TENM4: variants seen among roughly 807,000 people sequenced by gnomAD.
The protein encoded by TENM4 is teneurin transmembrane protein 4, also known as teneurin-4.
TENM4 carries 82 observed loss-of-function variants against 243.3 expected under a neutral mutation model. The observed-to-expected ratio is 0.34, with a 90% CI of 0.28 to 0.40. The LOEUF is 0.40. TENM4 is among the 10% of genes least tolerant of loss of function. TENM4 has a pLI of 1.00. For missense variants in TENM4, 3,138 were observed against 3,673.3 expected (o/e 0.85, Z 3.77); for synonymous variants, 1,412 against 1,456.3 (o/e 0.97, Z 0.69).
At chr11:79,025,731 A>G (rs1859063016) in intron 6 of TENM4, among the ~76,000 whole-genome samples, 1 of 152,184 alleles carries the variant, frequency 6.6e-6, no homozygotes. Flanking sequence ...CTGAATCAAC[A>G]TTCCTGAAGC....
intron 26 of TENM4, among the ~76,000 whole-genome samples, chr11:78,711,261 GAAC>G (rs939350524): frequency 6.6e-6 from 1 of 152,194 alleles, no homozygotes; most frequent in Non-Finnish European, 1.5e-5. Context: ...TGATATAATA[GAAC>G]AACAATAATA....
chr11:78,701,410 A>G (rs1363520207), intron 28 of TENM4, 116 bp downstream of exon 28: 27 of 1,292,666 alleles, frequency 2.1e-5, no homozygotes, highest in Non-Finnish European at 2.6e-5. Context: ...ATGTATTATA[A>G]GTAATAGTTT....
chr11:79,085,216 C>CAA (rs201169498), intron 4 of TENM4, among the ~76,000 whole-genome samples: 7 of 143,960 alleles, frequency 4.9e-5, no homozygotes, highest in African/African-American at 1.8e-4. Context: ...ACTAAAAATA[C>CAA]AAAAAAAAAA....
At chr11:79,298,636 T>C (rs556781081) in intron 1 of TENM4, among the ~76,000 whole-genome samples, 59 of 151,560 alleles carry the variant, frequency 3.9e-4, no homozygotes, top group Non-Finnish European at 4.9e-4. Context: ...GAAACTCCTA[T>C]ATTTGAGTCC....
At chr11:78,739,768 CTG>C (rs1173227508) in intron 19 of TENM4, among the ~76,000 whole-genome samples, 3 of 152,202 alleles carry the variant, frequency 2.0e-5, no homozygotes, top group Non-Finnish European at 4.4e-5. Flanking sequence ...GAAGGCAACT[CTG>C]TGGAGTTTCC....
At chr11:79,057,920 C>CA (rs1460827362) in intron 6 of TENM4, among the ~76,000 whole-genome samples, 12 of 152,280 alleles carry the variant, frequency 7.9e-5, no homozygotes, top group African/African-American at 2.6e-4. Context: ...CAGTCCTTTC[C>CA]AGCCCTCAAA....
intron 3 of TENM4, among the ~76,000 whole-genome samples, chr11:79,181,597 A>G (rs1438083186): frequency 6.6e-6 from 1 of 152,138 alleles, no homozygotes; most frequent in Non-Finnish European, 1.5e-5. Flanking sequence ...TAGCTAAAAC[A>G]ATAAGACAAG....
intron 6 of TENM4, among the ~76,000 whole-genome samples, chr11:78,922,365 T>G (rs1856466213): frequency 6.6e-6 from 1 of 152,234 alleles, no homozygotes; most frequent in African/African-American, 2.4e-5. Context: ...ATTCTCTTGT[T>G]AACTCCTCAT....
At chr11:79,130,886 CT>C (rs2137160668) in intron 4 of TENM4, among the ~76,000 whole-genome samples, 1 of 152,088 alleles carries the variant, frequency 6.6e-6, no homozygotes, top group South Asian at 2.1e-4. Context: ...GCAAAATGCT[CT>C]GGAAAGTCTC....
intron 6 of TENM4, among the ~76,000 whole-genome samples, chr11:79,018,738 A>ACTCC (rs985442599): frequency 6.6e-6 from 1 of 152,178 alleles, no homozygotes; most frequent in African/African-American, 2.4e-5. Flanking sequence ...GCAGGGAGGG[A>ACTCC]GAAATGGAAG....
At chr11:78,752,917 C>T (rs530767150) in intron 19 of TENM4, among the ~76,000 whole-genome samples, 6 of 152,264 alleles carry the variant, frequency 3.9e-5, no homozygotes, top group East Asian at 1.9e-4. Flanking sequence ...TCATCATCAC[C>T]GCCATGTAAT....
intron 21 of TENM4, among the ~76,000 whole-genome samples, chr11:78,731,369 T>C (rs1855663868): frequency 6.6e-6 from 1 of 152,230 alleles, no homozygotes; most frequent in Admixed American, 6.5e-5. Flanking sequence ...TCAAAATGAT[T>C]GTATGTCCTT....
intron 3 of TENM4, among the ~76,000 whole-genome samples, chr11:79,178,916 T>G (rs927962560): frequency 6.6e-6 from 1 of 152,248 alleles, no homozygotes; most frequent in Non-Finnish European, 1.5e-5. Context: ...CATATGTGTA[T>G]GTATCTGGCT....
At chr11:79,152,534 C>T (rs904697217) in intron 3 of TENM4, among the ~76,000 whole-genome samples, 2 of 152,116 alleles carry the variant, frequency 1.3e-5, no homozygotes, top group East Asian at 1.9e-4. Flanking sequence ...TAATTTACAG[C>T]GTCTAGAACT....
At chr11:78,932,738 C>T (rs1440313206) in intron 6 of TENM4, among the ~76,000 whole-genome samples, 2 of 152,138 alleles carry the variant, frequency 1.3e-5, no homozygotes, top group African/African-American at 4.8e-5. Context: ...GAAACTGTTC[C>T]ACCTCAGATC....
intron 2 of TENM4, among the ~76,000 whole-genome samples, chr11:79,226,996 T>C (rs1864280693): frequency 6.6e-6 from 1 of 152,222 alleles, no homozygotes; most frequent in Non-Finnish European, 1.5e-5. Context: ...TGCTGTGCTC[T>C]GCAGGGAGCT....
intron 3 of TENM4, among the ~76,000 whole-genome samples, chr11:79,192,180 T>C (rs11237755): frequency 0.18 from 26,556 of 144,306 alleles, 3,115 homozygotes; most frequent in Middle Eastern, 0.26. Context: ...CTGCCCGGTC[T>C]GGGAGCTGAG....
intron 5 of TENM4, among the ~76,000 whole-genome samples, chr11:79,068,656 C>A (rs902513253): frequency 6.6e-6 from 1 of 152,078 alleles, no homozygotes; most frequent in African/African-American, 2.4e-5. Context: ...AAGGGCAGAG[C>A]AAATCAGGGT....
At chr11:79,091,760 T>A (rs932158731) in intron 4 of TENM4, among the ~76,000 whole-genome samples, 1 of 152,206 alleles carries the variant, frequency 6.6e-6, no homozygotes, top group Non-Finnish European at 1.5e-5. Flanking sequence ...TCACACCTGA[T>A]GTGACCTCTC....
Sources: gnomAD v4.1 joint callset for allele counts (sites outside exome capture counted in the v4.1 genomes callset) on GRCh38, gnomAD v4.1.1 for gene constraint, MANE v1.5 for transcripts, NCBI Gene and HGNC (gene_info 2026-07-23, HGNC 2026-07-21) for gene names.